CPNE6: variants seen among roughly 807,000 people sequenced by gnomAD.
CPNE6 encodes copine 6.
A neutral mutation model predicts 71.5 loss-of-function variants in CPNE6; 33 were observed. The observed-to-expected ratio is 0.46, with a 90% confidence interval of 0.35 to 0.62. CPNE6 has a LOEUF of 0.62. Among genes scored for constraint, CPNE6 ranks in the 20% least tolerant of loss-of-function variants. The pLI, the probability that CPNE6 is intolerant of heterozygous loss-of-function variation, is 0.00. For missense variants in CPNE6, 576 were observed against 747.3 expected, an observed-to-expected ratio of 0.77 and a Z score of 2.67; for synonymous variants, 296 against 293.0, an observed-to-expected ratio of 1.01 and a Z score of -0.10.
rs2073350 is a variant in CPNE6 at position 24,075,039 on chromosome 14, C to T, written c.673-133C>T. The T allele has an allele frequency of 0.57, 449,159 of 782,476 alleles. 132,244 individuals are homozygous for T. The highest frequency in any genetic ancestry group is 0.72 in the Admixed American group (36,335 of 50,490). 48.5% of individuals were successfully genotyped at this position (782,476 alleles called of 1,614,324 possible). ...TCAGCAGGTGGCCTCTCCGGGCAGGCTGAGGATGTCTGTTTGGGCATGGAG... is the reference window on the plus strand; with the variant it reads ...TCAGCAGGTGGCCTCTCCGGGCAGGTTGAGGATGTCTGTTTGGGCATGGAG... On this transcript the variant is annotated intron_variant, in intron 8 of 17. Coordinates refer to ENST00000397016, the Ensembl canonical transcript of CPNE6. This position sits in a 1 kb window ranked among gnomAD's most constrained non-coding sequence, Gnocchi z 4.3.
In CPNE6 at chr14:24,073,785, C is replaced by T. The variant is rs2035976254; in HGVS notation, c.348+107C>T. 8.1e-7 allele frequency: 1 copy of T among 1,239,854 alleles called. No individual in the cohort carries two copies. Among genetic ancestry groups the T allele is most frequent in the African/African-American group, 1.5e-5 (1 of 65,884 alleles). 76.8% of individuals were successfully genotyped at this position (1,239,854 alleles called of 1,614,324 possible). On this transcript the variant is annotated intron_variant, in intron 4 of 17. Coordinates refer to ENST00000397016, the Ensembl canonical transcript of CPNE6. This position sits in a 1 kb window ranked among gnomAD's most constrained non-coding sequence, Gnocchi z 5.5. ...AGCTCTAGAGCTAGTTCAACCCAGC[C>T]TTGGCTCCCATCTCTGCCATTCACT... is the stretch of plus-strand genomic sequence containing the variant.
In CPNE6 at chr14:24,074,000, C is replaced by T. The variant is rs1189523709; in HGVS notation, c.349-51C>T. 2.0e-6 allele frequency: 3 copies of T among 1,505,870 alleles called. No individual in the cohort carries two copies. Among genetic ancestry groups the T allele is most frequent in the East Asian group, 4.5e-5 (2 of 44,362 alleles). 93.3% of individuals were successfully genotyped at this position (1,505,870 alleles called of 1,614,324 possible). A position where few individuals can be genotyped will look rare whatever the true frequency, so the allele number is the denominator to read the frequency against. ...TATTATTCCATCCCTTGTACGTGGC[C>T]AAGGCAGATGGGGATGTCACAGCTG... On this transcript the variant is annotated intron_variant, in intron 4 of 17. Transcript: ENST00000397016. This position sits in a 1 kb window ranked among gnomAD's most constrained non-coding sequence, Gnocchi z 5.5.
chr14:24,073,210 C>A lies in CPNE6; in HGVS notation c.168+106C>A. ...CTTGCAGGGAAATGTGTGGACTCTG[C>A]GGCGCCTTCTCGAGGCCGCTTGGGT... is the stretch of plus-strand genomic sequence containing the variant. On this transcript the variant is annotated intron_variant, in intron 3 of 17. Coordinates refer to ENST00000397016, the Ensembl canonical transcript of CPNE6. The surrounding 1 kb of genome is among the most constrained non-coding windows in gnomAD (Gnocchi z 5.5). 1.6e-6 allele frequency: 2 copies of A among 1,266,472 alleles called. No individual in the cohort carries two copies. Among genetic ancestry groups the A allele is most frequent in the Non-Finnish European group, 2.1e-6 (2 of 967,928 alleles). 78.5% of individuals were successfully genotyped at this position (1,266,472 alleles called of 1,614,324 possible).
rs1273401020 is a variant in CPNE6, at chr14:24,074,765, A to T, written c.642A>T (p.Leu214=). 5 of 1,613,830 alleles carry T rather than the reference A, an allele frequency of 3.1e-6. No homozygotes were observed. In the East Asian group the frequency reaches 8.9e-5, roughly 29 times the overall value. The change falls in exon 8 of 18, where the codon CTA becomes CTT. Residue 214 remains leucine, a synonymous_variant. Coordinates refer to ENST00000397016, the Ensembl canonical transcript of CPNE6. This position sits in a 1 kb window ranked among gnomAD's most constrained non-coding sequence, Gnocchi z 4.5. The stretch of plus-strand genomic sequence containing the variant: ...CGTTCCGCCTGTCCCTGCATTCCCT[A>T]TGCAGCTGTGATGTTCACCGACCTC...
Position 24,073,559 on chromosome 14 carries a change from C to T in CPNE6, c.229C>T (p.Leu77Phe), listed in dbSNP as rs147150976. 1.2e-6 allele frequency: 2 copies of T among 1,614,054 alleles called. No homozygotes were observed. The highest frequency in any genetic ancestry group is 1.7e-6 in the Non-Finnish European group (2 of 1,180,036). The change falls in exon 4 of 18, where the codon CTT becomes TTT. Residue 77 changes from leucine (L) to phenylalanine (F), a missense_variant. Leu to Phe is a conservative substitution (Grantham distance 22). This residue lies in a region of CPNE6 where 214 missense variants were observed against 291.2 expected (regional missense o/e 0.73). Transcript: ENST00000397016. The surrounding 1 kb of genome is among the most constrained non-coding windows in gnomAD (Gnocchi z 5.5). ...CCCTGTCTTCTCCCGGGTGCTGGCC[C>T]TTGAGTATTTTTTTGAGGAGAAGCA...
intron 1 of CPNE6, 42 bp from the exon 1 acceptor site, chr14:24,071,520 C>CCCCCCCCCCCCCCCAAAAACA: frequency 6.7e-7 from 1 of 1,488,058 alleles, no homozygotes; most frequent in Non-Finnish European, 9.0e-7. Context: ...CACCCCTCCC[C>CCCCCCCCCCCCCCCAAAAACA]ATCCAGGCCC....
At chr14:24,071,484 G>GC in intron 1 of CPNE6, 78 bp from the exon 1 acceptor site, 1 of 1,529,350 alleles carries the variant, frequency 6.5e-7, no homozygotes, top group African/African-American at 1.4e-5. Flanking sequence ...CATCCACGCG[G>GC]GGGGAGCTGG....
rs369211454 is a variant in CPNE6 at position 24,077,683 on chromosome 14, G to A, written c.1627G>A (p.Ala543Thr). ...CGCCAGCCAGGGCATCAGCCCTGGG[G>A]CTCCCAGGCCCTGCACACTGGCTAC... The change falls in exon 17 of 18, where the codon GCT (alanine) becomes ACT (threonine). Residue 543 changes from alanine to threonine, a missense_variant. Around this residue, in one of 4 missense-constraint regions of CPNE6, gnomAD observed 264 missense variants for 339.9 expected, o/e 0.78. Transcript: ENST00000397016. The surrounding 1 kb of genome is among the most constrained non-coding windows in gnomAD (Gnocchi z 6.1). 135 of 1,583,806 alleles carry A rather than the reference G, an allele frequency of 8.5e-5. No homozygotes were observed. The highest frequency in any genetic ancestry group is 1.1e-4 in the Non-Finnish European group (129 of 1,165,672).
At chr14:24,076,754 C>A in intron 14 of CPNE6, 125 bp from the exon 14 acceptor site, 1 of 1,519,492 alleles carries the variant, frequency 6.6e-7, no homozygotes, top group Non-Finnish European at 9.0e-7. Context: ...AACTCTCCCA[C>A]TGCTTAATGA....
chr14:24,075,820 C>A lies in CPNE6; in HGVS notation c.865-7C>A. The A allele has an allele frequency of 6.2e-7, 1 of 1,613,844 alleles. No homozygotes were observed. Among genetic ancestry groups the A allele is most frequent in the African/African-American group, 1.3e-5 (1 of 75,032 alleles). Reference sequence around the variant, plus strand: ...TCCCCTCGCCTTACCCCTCTCCCTACCTCCAGGTGGAGAAGGTGCACACCT... The same window carrying A: ...TCCCCTCGCCTTACCCCTCTCCCTAACTCCAGGTGGAGAAGGTGCACACCT... On this transcript the variant is annotated splice_region_variant and splice_polypyrimidine_tract_variant and intron_variant, in intron 10 of 17. Transcript: ENST00000397016. The surrounding 1 kb of genome is among the most constrained non-coding windows in gnomAD (Gnocchi z 4.3).
intron 2 of CPNE6, chr14:24,072,267 G>A (rs1261955409): frequency 6.6e-6 from 1 of 152,256 alleles, no homozygotes; most frequent in Non-Finnish European, 1.5e-5. Flanking sequence ...AAACAGGGGA[G>A]GTGGGGAGGG....
In CPNE6 at chr14:24,073,826, G is replaced by T; in HGVS notation, c.348+148G>T. 1 of 931,288 alleles carries T rather than the reference G, an allele frequency of 1.1e-6. No homozygotes were observed. 57.7% of individuals were successfully genotyped at this position (931,288 alleles called of 1,614,324 possible). A position where few individuals can be genotyped will look rare whatever the true frequency, so the allele number is the denominator to read the frequency against. ...GCCATTCACTAGCTGTGCAGCCTCA[G>T]GAAAGATACTTAACCTCTCTGAGTC... On this transcript the variant is annotated intron_variant, in intron 4 of 17. Transcript: ENST00000397016. The surrounding 1 kb of genome is among the most constrained non-coding windows in gnomAD (Gnocchi z 5.5).
Position 24,074,434 on chromosome 14 carries a change from C to T in CPNE6, c.498+69C>T. 6.4e-7 allele frequency: 1 copy of T among 1,567,402 alleles called. No homozygotes were observed. Among genetic ancestry groups the T allele is most frequent in the East Asian group, 2.2e-5 (1 of 44,498 alleles). On this transcript the variant is annotated intron_variant, in intron 6 of 17. Coordinates refer to ENST00000397016, the Ensembl canonical transcript of CPNE6. The surrounding 1 kb of genome is among the most constrained non-coding windows in gnomAD (Gnocchi z 4.5). The stretch of plus-strand genomic sequence containing the variant: ...TAGGCCTCCCACTCAAGACAGATCC[C>T]AGGAGCCCAGGCCTGCTCTCTTCCC...
chr14:24,071,240 AG>A, intron 1 of CPNE6: 2 of 1,068,872 alleles, frequency 1.9e-6, no homozygotes, highest in South Asian at 3.3e-5. Flanking sequence ...TGAGCCTGTG[AG>A]TCGTGGGTGC....
At position 24,074,357 on chromosome 14, in the gene CPNE6, G is replaced by T; in HGVS notation, c.490G>T (p.Asp164Tyr). ...ACTCACCTTCAGAGCCTACAAGCTGGACAACAAGGTTGGAACCCCAGAGTC... is the reference window on the plus strand; with the variant it reads ...ACTCACCTTCAGAGCCTACAAGCTGTACAACAAGGTTGGAACCCCAGAGTC... Residue 164 changes from aspartate to tyrosine, a missense_variant, in exon 6 of 18, where the codon GAC becomes TAC. Transcript: ENST00000397016. The surrounding 1 kb of genome is among the most constrained non-coding windows in gnomAD (Gnocchi z 4.5). 1 of 1,556,374 alleles carries T rather than the reference G, an allele frequency of 6.4e-7. No homozygotes were observed. Among genetic ancestry groups the T allele is most frequent in the Non-Finnish European group, 8.7e-7 (1 of 1,151,748 alleles).
chr14:24,073,007 T>A lies in CPNE6; in HGVS notation c.71T>A (p.Leu24Gln), dbSNP rs952584291. Residue 24 changes from leucine (L) to glutamine (Q), a missense_variant, in exon 3 of 18, where the codon CTG (leucine) becomes CAG (glutamine). Coordinates refer to ENST00000397016, the Ensembl canonical transcript of CPNE6. The surrounding 1 kb of genome is among the most constrained non-coding windows in gnomAD (Gnocchi z 5.5). ...ACGCTGGGGGCCTCTCGGGTGGAGCTGCGGGTGTCCTGCCATGGCCTCCTG... is the reference window on the plus strand; with the variant it reads ...ACGCTGGGGGCCTCTCGGGTGGAGCAGCGGGTGTCCTGCCATGGCCTCCTG... The A allele has an allele frequency of 6.3e-7, 1 of 1,583,102 alleles. No individual in the cohort carries two copies. Among genetic ancestry groups the A allele is most frequent in the African/African-American group, 1.4e-5 (1 of 72,878 alleles).
In CPNE6 at chr14:24,074,012, G is replaced by A; in HGVS notation, c.349-39G>A. 2.6e-6 allele frequency: 4 copies of A among 1,555,892 alleles called. No homozygotes were observed. Among genetic ancestry groups the A allele is most frequent in the Non-Finnish European group, 2.7e-6 (3 of 1,127,062 alleles). ...CCTTGTACGTGGCCAAGGCAGATGG[G>A]GATGTCACAGCTGGGTCTCCCTCCA... On this transcript the variant is annotated intron_variant, in intron 4 of 17. Transcript: ENST00000397016. The surrounding 1 kb of genome is among the most constrained non-coding windows in gnomAD (Gnocchi z 4.5).
At chr14:24,076,630 C>A in intron 14 of CPNE6, 73 bp downstream of exon 13, 1 of 1,585,532 alleles carries the variant, frequency 6.3e-7, no homozygotes, top group Non-Finnish European at 8.6e-7. Flanking sequence ...ACTCCACTCC[C>A]CAGGGCCCAG....
chr14:24,071,722 C>T (rs2035909333), intron 2 of CPNE6, 81 bp downstream of exon 1: 8 of 647,386 alleles, frequency 1.2e-5, no homozygotes, highest in South Asian at 1.7e-5. Flanking sequence ...TCCTGGAGCC[C>T]GCAGAGAGAT....
Sources: gnomAD v4.1 joint callset for allele counts on GRCh38, gnomAD v4.1.1 for gene constraint, gnomAD v4.1.1 regional missense constraint, Gnocchi (gnomAD v3.1) non-coding constraint, MANE v1.5 for transcripts, NCBI Gene and HGNC (gene_info 2026-07-23, HGNC 2026-07-21) for gene names.